The following RAB27A variants were observed in gnomAD, a reference collection of about 807,000 sequenced individuals.
RAB27A encodes RAB27A, member RAS oncogene family, also known as ras-related protein Rab-27A.
In RAB27A, 17 loss-of-function variants were observed where a neutral mutation model predicts 20.8. That is an observed-to-expected ratio of 0.82 (90% CI 0.56 to 1.23). RAB27A has a LOEUF of 1.23. Ranked by LOEUF, RAB27A falls within the 50% of genes most tolerant of loss-of-function variation. The pLI, the probability that RAB27A is intolerant of heterozygous loss-of-function variation, is 0.00. For missense variants in RAB27A, 277 were observed against 266.7 expected (o/e 1.04, Z -0.27); for synonymous variants, 85 against 92.8 (o/e 0.92, Z 0.48).
intron 2 of RAB27A, among the ~76,000 whole-genome samples, chr15:55,303,762 C>G (rs2054985376): frequency 7.3e-6 from 1 of 136,508 alleles, no homozygotes; most frequent in African/African-American, 2.9e-5. Flanking sequence ...CTCTGCCCGG[C>G]CAGCCGCCCC....
At chr15:55,262,312 T>C (rs576235254) in intron 2 of RAB27A, among the ~76,000 whole-genome samples, 24 of 152,100 alleles carry the variant, frequency 1.6e-4, no homozygotes, top group Admixed American at 2.6e-4. Context: ...GAGGCCAAGG[T>C]GGGCGAATCA....
At chr15:55,277,943 TA>T (rs964762864) in intron 1 of RAB27A, among the ~76,000 whole-genome samples, 1 of 152,206 alleles carries the variant, frequency 6.6e-6, no homozygotes, top group African/African-American at 2.4e-5. Flanking sequence ...TCATCATCTG[TA>T]AAATGAAAGA....
chr15:55,242,021 C>T (rs773605820), intron 2 of RAB27A, among the ~76,000 whole-genome samples: 5 of 152,028 alleles, frequency 3.3e-5, no homozygotes, highest in Non-Finnish European at 7.4e-5. Context: ...CACACACAGA[C>T]ATATCACAGC....
At chr15:55,226,640 C>T (rs916858960) in intron 5 of RAB27A, among the ~76,000 whole-genome samples, 6 of 151,896 alleles carry the variant, frequency 4.0e-5, no homozygotes, top group Admixed American at 2.6e-4. Context: ...GAGGCTGAGG[C>T]GCGTGGATCA....
intron 1 of RAB27A, chr15:55,317,638 T>A (rs2055060054): frequency 5.0e-6 from 2 of 398,272 alleles, no homozygotes; most frequent in African/African-American, 4.1e-5. Flanking sequence ...TTAACTTTTC[T>A]TCTCTTCTGA....
chr15:55,311,206 T>C (rs2055019228), intron 2 of RAB27A, among the ~76,000 whole-genome samples: 1 of 152,230 alleles, frequency 6.6e-6, no homozygotes, highest in South Asian at 2.1e-4. Context: ...GTGTCTGATT[T>C]AGCAGTAACA....
At chr15:55,306,087 T>C (rs184563828) in intron 2 of RAB27A, among the ~76,000 whole-genome samples, 1 of 152,296 alleles carries the variant, frequency 6.6e-6, no homozygotes, top group African/African-American at 2.4e-5. Flanking sequence ...CAAAAAATAT[T>C]CCTGAGGGTA....
intron 1 of RAB27A, among the ~76,000 whole-genome samples, chr15:55,274,642 G>A (rs942297644): frequency 6.6e-6 from 1 of 151,358 alleles, no homozygotes; most frequent in Non-Finnish European, 1.5e-5. Flanking sequence ...GCCAGGCGTG[G>A]TGGCAGGTGC....
chr15:55,235,206 G>A (rs1896206007), intron 2 of RAB27A, among the ~76,000 whole-genome samples: 2 of 152,130 alleles, frequency 1.3e-5, no homozygotes, highest in African/African-American at 4.8e-5. Flanking sequence ...CCAGCACTTT[G>A]GGAGGCCAAG....
intron 2 of RAB27A, among the ~76,000 whole-genome samples, chr15:55,246,835 G>C (rs1029353558): frequency 1.3e-5 from 2 of 151,870 alleles, no homozygotes; most frequent in Admixed American, 6.6e-5. Context: ...TTTGGAATGA[G>C]TGCAAAATCT....
chr15:55,292,951 A>G (rs2054930980), upstream of RAB27A, among the ~76,000 whole-genome samples: 3 of 152,242 alleles, frequency 2.0e-5, no homozygotes, highest in African/African-American at 7.2e-5. Context: ...GAGTATCCAG[A>G]GAGGTAGGAA....
intron 6 of RAB27A, among the ~76,000 whole-genome samples, chr15:55,210,055 C>CGCAT (rs1490837548): frequency 4.9e-4 from 67 of 136,188 alleles, no homozygotes; most frequent in African/African-American, 1.8e-3. Flanking sequence ...TACATATATA[C>CGCAT]ACATATGTGT....
At chr15:55,286,210 T>A (rs1336785477) in intron 1 of RAB27A, among the ~76,000 whole-genome samples, 1 of 152,202 alleles carries the variant, frequency 6.6e-6, no homozygotes, top group African/African-American at 2.4e-5. Context: ...GGCAGAATGA[T>A]CCCTATTGCT....
intron 2 of RAB27A, among the ~76,000 whole-genome samples, chr15:55,260,670 C>G (rs1254820719): frequency 3.3e-5 from 5 of 152,158 alleles, no homozygotes; most frequent in Admixed American, 1.3e-4. Flanking sequence ...ATATTACTAA[C>G]TGAAAGAAGC....
intron 2 of RAB27A, among the ~76,000 whole-genome samples, chr15:55,296,440 G>T (rs2141140648): frequency 6.6e-6 from 1 of 152,164 alleles, no homozygotes; most frequent in African/African-American, 2.4e-5. Context: ...AGGTTCCAGT[G>T]AGCCTAGATG....
intron 2 of RAB27A, among the ~76,000 whole-genome samples, chr15:55,245,776 G>C (rs1170831432): frequency 6.6e-6 from 1 of 152,124 alleles, no homozygotes; most frequent in Non-Finnish European, 1.5e-5. Context: ...AAGTTCTTCA[G>C]ACAAAAAATA....
rs372324591 is a variant in RAB27A, at chr15:55,251,249, G to A, written c.-22-16293C>T. Among the ~76,000 whole-genome samples the A allele has an allele frequency of 5.3e-5, 8 of 152,158 alleles. No individual in the cohort carries two copies. The East Asian group carries it at 9.6e-4, about 18-fold the overall frequency. The stretch of plus-strand genomic sequence containing the variant: ...GATTTGAAATGCTTTGGGTGTCCCT[G>A]GTGAGAACTGCAAGAGGAGCTATTT... On this transcript the variant is annotated intron_variant, in intron 2 of 6. Coordinates refer to ENST00000336787, the MANE Select transcript of RAB27A (RefSeq NM_183235.3).
intron 2 of RAB27A, among the ~76,000 whole-genome samples, chr15:55,269,405 A>C (rs1479455400): frequency 6.6e-6 from 1 of 152,198 alleles, no homozygotes; most frequent in African/African-American, 2.4e-5. Context: ...TCCCAGAAGA[A>C]ATAAACCTTA....
At chr15:55,292,574 G>A (rs2054928116), upstream of RAB27A, among the ~76,000 whole-genome samples, 1 of 152,216 alleles carries the variant, frequency 6.6e-6, no homozygotes. Flanking sequence ...AGAGGCAGTA[G>A]TCCATGGGGA....
Sources: gnomAD v4.1 joint callset for allele counts (sites outside exome capture counted in the v4.1 genomes callset) on GRCh38, gnomAD v4.1.1 for gene constraint, MANE v1.5 for transcripts, NCBI Gene and HGNC (gene_info 2026-07-23, HGNC 2026-07-21) for gene names.